PLEKHH2: variants seen among roughly 807,000 people sequenced by gnomAD.
The protein encoded by PLEKHH2 is pleckstrin homology, MyTH4 and FERM domain containing H2.
In PLEKHH2, 129 loss-of-function variants were observed where a neutral mutation model predicts 187.9. The ratio of observed to expected loss-of-function variants is 0.69; its 90% CI spans 0.59 to 0.79. The LOEUF is 0.79. Among genes scored for constraint, PLEKHH2 ranks in the 30% least tolerant of loss-of-function variants. The probability of loss-of-function intolerance (pLI) is 0.00; values close to 1 mark genes in which losing one functional copy is unlikely to be tolerated. For missense variants in PLEKHH2, 2,076 were observed against 1,751.2 expected (o/e 1.19, Z -3.31); for synonymous variants, 686 against 605.6 (o/e 1.13, Z -1.95).
intron 19 of PLEKHH2, among the ~76,000 whole-genome samples, chr2:43,733,159 G>A (rs1277679906): frequency 2.0e-5 from 3 of 151,988 alleles, no homozygotes; most frequent in African/African-American, 4.8e-5. Context: ...TCAGGAGATC[G>A]AGACCATCCT....
chr2:43,682,879 T>C (rs1223373135), intron 3 of PLEKHH2, among the ~76,000 whole-genome samples: 2 of 152,136 alleles, frequency 1.3e-5, no homozygotes, highest in African/African-American at 4.8e-5. Context: ...TTGATATTTA[T>C]CCACGTTGTA....
chr2:43,702,527 CTTTTTT>C (rs1167078689), intron 8 of PLEKHH2, among the ~76,000 whole-genome samples: 2 of 57,416 alleles, frequency 3.5e-5, no homozygotes, highest in African/African-American at 1.9e-4. Context: ...CATTCTACTA[CTTTTTT>C]TTTTTTTTTT....
At chr2:43,736,095 A>G (rs1481918249) in intron 19 of PLEKHH2, among the ~76,000 whole-genome samples, 1 of 152,194 alleles carries the variant, frequency 6.6e-6, no homozygotes, top group East Asian at 1.9e-4. Flanking sequence ...TTAGGGAACT[A>G]ACCGATGTTA....
intron 24 of PLEKHH2, among the ~76,000 whole-genome samples, chr2:43,747,301 G>C (rs1671824222): frequency 6.6e-6 from 1 of 151,916 alleles, no homozygotes; most frequent in Non-Finnish European, 1.5e-5. Flanking sequence ...TAATGACACA[G>C]TATGTTCTCT....
intron 27 of PLEKHH2, 148 bp downstream of exon 27, chr2:43,759,177 AG>A: frequency 7.9e-7 from 1 of 1,262,468 alleles, no homozygotes; most frequent in Non-Finnish European, 1.0e-6. Flanking sequence ...CACTAGAGAA[AG>A]GGCAGAAAAG....
intron 19 of PLEKHH2, among the ~76,000 whole-genome samples, chr2:43,736,464 G>A (rs1174288254): frequency 1.3e-5 from 2 of 152,172 alleles, no homozygotes; most frequent in African/African-American, 2.4e-5. Flanking sequence ...CAGAGAGGGA[G>A]CACCCAAATA....
intron 2 of PLEKHH2, among the ~76,000 whole-genome samples, chr2:43,645,663 G>A (rs912439031): frequency 1.3e-5 from 2 of 152,110 alleles, no homozygotes; most frequent in African/African-American, 4.8e-5. Context: ...AAATGATATT[G>A]TGGATATTGG....
At chr2:43,656,353 A>G (rs967815345) in intron 2 of PLEKHH2, among the ~76,000 whole-genome samples, 2 of 152,196 alleles carry the variant, frequency 1.3e-5, no homozygotes, top group South Asian at 2.1e-4. Context: ...AGTTTGTGGA[A>G]TGGAAAGTTA....
At chr2:43,724,319 C>A (rs1292874234) in intron 16 of PLEKHH2, among the ~76,000 whole-genome samples, 1 of 152,174 alleles carries the variant, frequency 6.6e-6, no homozygotes, top group Non-Finnish European at 1.5e-5. Context: ...AGCCCTGAAA[C>A]TTAGCATGTA....
chr2:43,753,902 T>A (rs2104616197), intron 25 of PLEKHH2, 142 bp downstream of exon 25: 2 of 678,034 alleles, frequency 2.9e-6, no homozygotes, highest in Non-Finnish European at 2.3e-6. Flanking sequence ...ACAGGCACTA[T>A]AATTATAGTT....
chr2:43,741,219 T>A, intron 21 of PLEKHH2, 176 bp downstream of exon 21: 1 of 483,976 alleles, frequency 2.1e-6, no homozygotes, highest in Non-Finnish European at 3.5e-6. Context: ...TCCTTTGTTA[T>A]GTTAAATCTC....
intron 21 of PLEKHH2, 54 bp from the exon 22 acceptor site, chr2:43,742,687 T>G: frequency 7.6e-7 from 1 of 1,320,066 alleles, no homozygotes. Flanking sequence ...GTTGCACATA[T>G]TAGGTTGTCA....
At chr2:43,686,987 T>C (rs1487052063) in intron 3 of PLEKHH2, among the ~76,000 whole-genome samples, 1 of 152,112 alleles carries the variant, frequency 6.6e-6, no homozygotes, top group African/African-American at 2.4e-5. Flanking sequence ...TATATTTATA[T>C]TTTAAAATAA....
chr2:43,677,788 C>A (rs1335330220), intron 2 of PLEKHH2, among the ~76,000 whole-genome samples: 1 of 150,414 alleles, frequency 6.6e-6, no homozygotes, highest in African/African-American at 2.4e-5. Flanking sequence ...GGCAGAGGCG[C>A]CCCTCACCTC....
intron 2 of PLEKHH2, among the ~76,000 whole-genome samples, chr2:43,672,378 T>C (rs1398535570): frequency 6.6e-6 from 1 of 152,198 alleles, no homozygotes; most frequent in Non-Finnish European, 1.5e-5. Flanking sequence ...TTTTATTCAT[T>C]TCTCCTCTAA....
chr2:43,654,937 G>T (rs12624140), intron 2 of PLEKHH2, among the ~76,000 whole-genome samples: 48,824 of 151,766 alleles, frequency 0.32, 8,126 homozygotes, highest in Non-Finnish European at 0.38. Context: ...TGAGGCGGGG[G>T]TATTGCTTGA....
chr2:43,754,715 A>T (rs1672145230), intron 25 of PLEKHH2, among the ~76,000 whole-genome samples: 1 of 152,202 alleles, frequency 6.6e-6, no homozygotes, highest in Non-Finnish European at 1.5e-5. Context: ...ACCAAGGCTT[A>T]GATTCCCCAG....
chr2:43,700,773 C>T (rs1332556242), intron 8 of PLEKHH2, among the ~76,000 whole-genome samples, 165 bp downstream of exon 8: 2 of 152,104 alleles, frequency 1.3e-5, no homozygotes, highest in East Asian at 1.9e-4. Flanking sequence ...CTGCCTCAGC[C>T]TCCTGAGTAG....
rs11297394 is a variant in PLEKHH2 at position 43,707,745 on chromosome 2, G to GTT, written c.1966+210_1966+211dup. On this transcript the variant is annotated intron_variant, in intron 11 of 29. Transcript: ENST00000282406. ...TCTGTGATTTCAGACAAATTATATA[G>GTT]TTTTTTTTTTTCAGCTTTTTATTGT... Among the ~76,000 whole-genome samples, 606 of 149,328 alleles carry GTT rather than the reference G, an allele frequency of 4.1e-3. 2 individuals carry two copies. Among genetic ancestry groups the GTT allele is most frequent in the African/African-American group, 0.012 (475 of 40,942 alleles).
Sources: gnomAD v4.1 joint callset for allele counts (sites outside exome capture counted in the v4.1 genomes callset) on GRCh38, gnomAD v4.1.1 for gene constraint, MANE v1.5 for transcripts, NCBI Gene and HGNC (gene_info 2026-07-23, HGNC 2026-07-21) for gene names.